Variants in EP400 observed in about 807,000 individuals in gnomAD.
EP400 encodes E1A binding protein p400, also known as E1A-binding protein p400.
In EP400, 105 loss-of-function variants were observed where a neutral mutation model predicts 354.1. The ratio of observed to expected loss-of-function variants is 0.30; its 90% confidence interval spans 0.25 to 0.35. EP400 has a LOEUF of 0.35. Among genes scored for constraint, EP400 ranks in the 10% least tolerant of loss-of-function variants. The probability of loss-of-function intolerance (pLI) is 1.00; values close to 1 mark genes in which losing one functional copy is unlikely to be tolerated. For missense variants in EP400, 3,280 were observed against 4,121.0 expected (o/e 0.80, Z 5.59); for synonymous variants, 1,646 against 1,716.9 (o/e 0.96, Z 1.02).
In EP400 at chr12:131,961,922, G is replaced by A. The variant is rs747085861; in HGVS notation, c.1303G>A (p.Glu435Lys). The change falls in exon 2 of 53, where the codon GAG (glutamate) becomes AAG (lysine). Residue 435 changes from glutamate to lysine, a missense_variant. Coordinates refer to ENST00000389561, the MANE Select transcript of EP400 (RefSeq NM_015409.5). Reference sequence around the variant, plus strand: ...AGAAGAGGAGGAGGAGGAGGAAGAGGAGGAAGAAAAATCTGAGGTTATCAA... The same window carrying A: ...AGAAGAGGAGGAGGAGGAGGAAGAGAAGGAAGAAAAATCTGAGGTTATCAA... ...IEEEEEEEEE[E>K]EEKSEVINDE... The A allele has an allele frequency of 6.2e-7, 1 of 1,613,370 alleles. No homozygotes were observed. Among genetic ancestry groups the A allele is most frequent in the East Asian group, 2.2e-5 (1 of 44,882 alleles).
chr12:131,969,460 GC>G (rs1892215135), intron 2 of EP400, among the ~76,000 whole-genome samples: 1 of 152,026 alleles, frequency 6.6e-6, no homozygotes, highest in South Asian at 2.1e-4. Flanking sequence ...TTACTGCCCA[GC>G]CCCCCTCCTG....
At chr12:131,959,509 T>G (rs537362067) in intron 1 of EP400, among the ~76,000 whole-genome samples, 2 of 152,316 alleles carry the variant, frequency 1.3e-5, no homozygotes, top group East Asian at 3.9e-4. Context: ...CTTCATCCTG[T>G]CCTGAAACCT....
intron 2 of EP400, among the ~76,000 whole-genome samples, chr12:131,969,693 G>A (rs1466160212): frequency 1.3e-5 from 2 of 152,078 alleles, no homozygotes; most frequent in East Asian, 1.9e-4. Context: ...GGTTCCTTTC[G>A]GTGGGGAATA....
chr12:132,046,244 CAT>C (rs890741573), intron 39 of EP400, among the ~76,000 whole-genome samples: 1 of 152,062 alleles, frequency 6.6e-6, no homozygotes, highest in South Asian at 2.1e-4. Flanking sequence ...AATACTTGGC[CAT>C]ATATATATAC....
At chr12:131,985,294 C>T (rs1332826255) in intron 5 of EP400, among the ~76,000 whole-genome samples, 2 of 152,236 alleles carry the variant, frequency 1.3e-5, no homozygotes, top group African/African-American at 4.8e-5. Context: ...GTTTCTGTGG[C>T]AGAAGTGAAG....
In EP400 at chr12:132,078,333, G is replaced by T. The variant is rs571190055; in HGVS notation, c.*660G>T. 1 of 152,560 alleles carries T rather than the reference G, an allele frequency of 6.6e-6. No homozygotes were observed. Among genetic ancestry groups the T allele is most frequent in the Admixed American group, 6.5e-5 (1 of 15,336 alleles). 9.5% of individuals were successfully genotyped at this position (152,560 alleles called of 1,614,324 possible). A position where few individuals can be genotyped will look rare whatever the true frequency, so the allele number is the denominator to read the frequency against. Reference sequence around the variant, plus strand: ...TGTTCAAGGGAAATGATCAGTCATTGCATTGTTATTCCAAAGAGCAGCCAA... The same window carrying T: ...TGTTCAAGGGAAATGATCAGTCATTTCATTGTTATTCCAAAGAGCAGCCAA... On this transcript the variant is annotated 3_prime_UTR_variant, in exon 53 of 53. Coordinates refer to ENST00000389561, the MANE Select transcript of EP400 (RefSeq NM_015409.5).
rs150730497 is a variant in EP400, at chr12:132,040,416, C to T, written c.6207+2320C>T. 4.3e-4 allele frequency among the ~76,000 whole-genome samples: 66 copies of T among 152,212 alleles called. 1 individual carries two copies. Among genetic ancestry groups the T allele is most frequent in the African/African-American group, 1.4e-3 (60 of 41,496 alleles). On this transcript the variant is annotated intron_variant, in intron 32 of 52. Coordinates refer to ENST00000389561, the MANE Select transcript of EP400 (RefSeq NM_015409.5). ...CGTGTAGGAGAGGCGTCTGTACCCT[C>T]GTGTTCATCGCAGCACTGTCCCAGC...
At chr12:131,950,500 A>G (rs1332517388) in intron 1 of EP400, among the ~76,000 whole-genome samples, 1 of 151,914 alleles carries the variant, frequency 6.6e-6, no homozygotes, top group Non-Finnish European at 1.5e-5. Flanking sequence ...CACTTTCCTG[A>G]GGCGCGACGG....
At chr12:131,968,133 T>G (rs1392227497) in intron 2 of EP400, among the ~76,000 whole-genome samples, 1 of 152,236 alleles carries the variant, frequency 6.6e-6, no homozygotes, top group African/African-American at 2.4e-5. Flanking sequence ...TTTTTTTCTT[T>G]TATGGATTTG....
chr12:131,978,054 G>A (rs1810661011), intron 2 of EP400, among the ~76,000 whole-genome samples: 1 of 152,188 alleles, frequency 6.6e-6, no homozygotes, highest in African/African-American at 2.4e-5. Flanking sequence ...TGGCAAGGAT[G>A]GTGACCAGAT....
intron 16 of EP400, among the ~76,000 whole-genome samples, chr12:132,011,840 C>T (rs1193889639): frequency 6.6e-6 from 1 of 152,044 alleles, no homozygotes; most frequent in East Asian, 1.9e-4. Context: ...GAGGGCCACG[C>T]ACTCGCAGGC....
chr12:132,067,497 T>C lies in EP400; in HGVS notation c.8874+11T>C, dbSNP rs1425562918. 1.9e-6 allele frequency: 3 copies of C among 1,610,120 alleles called. No individual in the cohort carries two copies. Among genetic ancestry groups the C allele is most frequent in the Non-Finnish European group, 2.5e-6 (3 of 1,179,524 alleles). Reference sequence around the variant, plus strand: ...GCCGTCCAGCAGAAGGTACCGGGGCTAGGGGATTCTCACTTCTGGGTCTAT... The same window carrying C: ...GCCGTCCAGCAGAAGGTACCGGGGCCAGGGGATTCTCACTTCTGGGTCTAT... On this transcript the variant is annotated intron_variant, in intron 50 of 52. Coordinates refer to ENST00000389561, the MANE Select transcript of EP400 (RefSeq NM_015409.5). This position sits in a 1 kb window ranked among gnomAD's most constrained non-coding sequence, Gnocchi z 5.3.
chr12:131,954,619 G>A (rs1891630192), intron 1 of EP400, among the ~76,000 whole-genome samples: 1 of 151,834 alleles, frequency 6.6e-6, no homozygotes, highest in African/African-American at 2.4e-5. Flanking sequence ...CAGCTACTCA[G>A]GAGGCTGAGG....
chr12:131,952,310 AAAAAAAAAAAAAAAAG>A (rs1375724685), intron 1 of EP400, among the ~76,000 whole-genome samples: 1 of 146,278 alleles, frequency 6.8e-6, no homozygotes, highest in Non-Finnish European at 1.5e-5. Flanking sequence ...CTCAAAAAAA[AAAAAAAAAAAAAAAAG>A]AAAAAGAAAT....
At position 132,056,969 on chromosome 12, in the gene EP400, T is replaced by A. The variant is rs73163001; in HGVS notation, c.7884+1761T>A. Among the ~76,000 whole-genome samples, 1,453 of 152,296 alleles carry A rather than the reference T, an allele frequency of 9.5e-3. 21 individuals carry two copies. The highest frequency in any genetic ancestry group is 0.033 in the African/African-American group (1,358 of 41,552). On this transcript the variant is annotated intron_variant, in intron 45 of 52. Coordinates refer to ENST00000389561, the MANE Select transcript of EP400 (RefSeq NM_015409.5). ...CCATGAGTCATCAGGGGAATGCAGA[T>A]TTTTACAACCACAGTGATACACCAC...
At chr12:132,065,642 A>C (rs1485132500) in intron 48 of EP400, 1 of 152,310 alleles carries the variant, frequency 6.6e-6, no homozygotes, top group Non-Finnish European at 1.5e-5. Flanking sequence ...AACTCAAGCT[A>C]GGATTTGGGG....
At chr12:131,975,219 C>T (rs73480088) in intron 2 of EP400, among the ~76,000 whole-genome samples, 19,086 of 152,008 alleles carry the variant, frequency 0.13, 1,641 homozygotes, top group African/African-American at 0.24. Flanking sequence ...ACAGGGCGCA[C>T]AGTCCTCCCT....
chr12:131,955,557 C>T (rs547608357), intron 1 of EP400, among the ~76,000 whole-genome samples: 3 of 152,210 alleles, frequency 2.0e-5, no homozygotes, highest in South Asian at 2.1e-4. Flanking sequence ...GTTGGGATTA[C>T]GGGCGTGAGC....
In EP400 at chr12:131,990,454, C is replaced by T. The variant is rs948995671; in HGVS notation, c.2551-182C>T. Among the ~76,000 whole-genome samples the T allele has an allele frequency of 2.6e-5, 4 of 152,160 alleles. No homozygotes were observed. Among genetic ancestry groups the T allele is most frequent in the African/African-American group, 9.7e-5 (4 of 41,444 alleles). ...TTTTTTGAAATTTTAATTCTTACCT[C>T]ACCACCTAATAGAACCTGGGCAGGA... On this transcript the variant is annotated intron_variant, in intron 8 of 52. Coordinates refer to ENST00000389561, the MANE Select transcript of EP400 (RefSeq NM_015409.5). This position sits in a 1 kb window ranked among gnomAD's most constrained non-coding sequence, Gnocchi z 4.2.
Sources: gnomAD v4.1 joint callset for allele counts (sites outside exome capture counted in the v4.1 genomes callset) on GRCh38, gnomAD v4.1.1 for gene constraint, Gnocchi (gnomAD v3.1) non-coding constraint, MANE v1.5 for transcripts, NCBI Gene and HGNC (gene_info 2026-07-23, HGNC 2026-07-21) for gene names.